MFN1: variants seen among roughly 807,000 people sequenced by gnomAD.
MFN1 encodes the protein mitofusin 1, also known as mitofusin-1.
Under a neutral mutation model 92.4 loss-of-function variants are expected in MFN1, and 65 were observed. The ratio of observed to expected loss-of-function variants is 0.70; its 90% CI spans 0.58 to 0.86. The LOEUF (loss-of-function observed/expected upper bound fraction) is 0.86, where lower values mean the gene tolerates loss of function less well. Ranked by LOEUF, MFN1 falls within the 40% of genes least tolerant of loss-of-function variation. The pLI is 0.00. For synonymous variants in MFN1, 297 were observed against 300.9 expected, an observed-to-expected ratio of 0.99 and a Z score of 0.13; for missense variants, 781 against 868.0, an observed-to-expected ratio of 0.90 and a Z score of 1.26.
At chr3:179,385,509 A>G in intron 14 of MFN1, 60 bp from the exon 15 acceptor site, 1 of 1,479,574 alleles carries the variant, frequency 6.8e-7, no homozygotes, top group East Asian at 2.3e-5. Flanking sequence ...AGAGTTTTAT[A>G]AAGATAACTT....
At chr3:179,388,948 T>C (rs1713798447) in intron 16 of MFN1, among the ~76,000 whole-genome samples, 1 of 151,110 alleles carries the variant, frequency 6.6e-6, no homozygotes, top group Non-Finnish European at 1.5e-5. Context: ...TTTGGATAAT[T>C]AGGAATTCCG....
At chr3:179,384,564 C>T (rs928409972) in intron 14 of MFN1, among the ~76,000 whole-genome samples, 2 of 152,166 alleles carry the variant, frequency 1.3e-5, no homozygotes, top group Non-Finnish European at 2.9e-5. Flanking sequence ...TATATGATTT[C>T]CAAATATGTT....
intron 3 of MFN1, among the ~76,000 whole-genome samples, chr3:179,352,836 C>T (rs564961081): frequency 6.6e-6 from 1 of 152,232 alleles, no homozygotes; most frequent in African/African-American, 2.4e-5. Context: ...GCTGCAACCT[C>T]CACATCCCGG....
At chr3:179,355,406 G>A (rs1315188324) in intron 3 of MFN1, among the ~76,000 whole-genome samples, 4 of 152,068 alleles carry the variant, frequency 2.6e-5, no homozygotes. Flanking sequence ...GAGTTGCTCT[G>A]CTTCAAACAC....
At chr3:179,353,738 A>ATCT (rs1158446096) in intron 3 of MFN1, among the ~76,000 whole-genome samples, 1 of 152,224 alleles carries the variant, frequency 6.6e-6, no homozygotes, top group Non-Finnish European at 1.5e-5. Context: ...TTATTCAGCT[A>ATCT]TCTGTGCTGT....
intron 3 of MFN1, among the ~76,000 whole-genome samples, chr3:179,352,767 CCT>C (rs1712197335): frequency 6.6e-6 from 1 of 151,656 alleles, no homozygotes; most frequent in Non-Finnish European, 1.5e-5. Flanking sequence ...TTTTTTTCCC[CCT>C]GAGAGGGAGT....
intron 13 of MFN1, 48 bp downstream of exon 13, chr3:179,378,491 T>C (rs1252376460): frequency 2.0e-6 from 3 of 1,537,282 alleles, no homozygotes; most frequent in African/African-American, 2.8e-5. Context: ...TTTTCATTCA[T>C]GACTGGTGAA....
intron 4 of MFN1, among the ~76,000 whole-genome samples, chr3:179,360,561 A>AT (rs1712536600): frequency 6.6e-6 from 1 of 152,142 alleles, no homozygotes; most frequent in African/African-American, 2.4e-5. Context: ...AAAAAAAAAA[A>AT]AAATAAAAGG....
intron 2 of MFN1, 72 bp from the exon 3 acceptor site, chr3:179,351,828 T>G (rs926714344): frequency 7.0e-7 from 1 of 1,438,286 alleles, no homozygotes; most frequent in Admixed American, 1.9e-5. Context: ...ACATACAATC[T>G]TAGGTATTCC....
chr3:179,387,335 CGG>C (rs1713722986), intron 16 of MFN1, among the ~76,000 whole-genome samples: 1 of 151,994 alleles, frequency 6.6e-6, no homozygotes. Flanking sequence ...CACTTGAGGT[CGG>C]GAGTTCGAGA....
chr3:179,357,142 CATCTT>C (rs746186385), intron 3 of MFN1, among the ~76,000 whole-genome samples: 3 of 152,126 alleles, frequency 2.0e-5, no homozygotes, highest in Non-Finnish European at 4.4e-5. Context: ...GCCCAAAAAA[CATCTT>C]AAGCTATCCT....
At chr3:179,374,257 C>T (rs1394286692) in intron 9 of MFN1, among the ~76,000 whole-genome samples, 3 of 149,434 alleles carry the variant, frequency 2.0e-5, no homozygotes, top group Non-Finnish European at 4.4e-5. Context: ...GAGTCGAGAT[C>T]ATGCCATTGC....
At chr3:179,365,329 C>T in intron 7 of MFN1, 104 bp downstream of exon 7, 1 of 659,968 alleles carries the variant, frequency 1.5e-6, no homozygotes, top group Non-Finnish European at 2.4e-6. Context: ...AAGAGCTATT[C>T]CATGAAAAGA....
chr3:179,372,372 A>G (rs1373601846), intron 9 of MFN1, among the ~76,000 whole-genome samples: 1 of 151,730 alleles, frequency 6.6e-6, no homozygotes, highest in Non-Finnish European at 1.5e-5. Flanking sequence ...ATAAATTTAT[A>G]TTATTAATGT....
intron 9 of MFN1, among the ~76,000 whole-genome samples, chr3:179,370,389 G>GTTTTTTTT (rs1354406941): frequency 1.1e-3 from 105 of 96,696 alleles, no homozygotes; most frequent in East Asian, 1.9e-3. Context: ...CATTCACTAA[G>GTTTTTTTT]TTCTTTTTTT....
At chr3:179,388,655 T>G (rs1713789357) in intron 16 of MFN1, among the ~76,000 whole-genome samples, 1 of 152,164 alleles carries the variant, frequency 6.6e-6, no homozygotes, top group South Asian at 2.1e-4. Flanking sequence ...GAAACCATTA[T>G]CATAAGGCAA....
chr3:179,377,802 C>T (rs13061738), intron 12 of MFN1, among the ~76,000 whole-genome samples: 30,554 of 151,928 alleles, frequency 0.2, 3,434 homozygotes, highest in Admixed American at 0.25. Context: ...CGGTGGCTCC[C>T]GCCTTTAATC....
At chr3:179,378,148 TAGG>T (rs756256683) in intron 12 of MFN1, 190 bp from the exon 13 acceptor site, 16 of 566,514 alleles carry the variant, frequency 2.8e-5, no homozygotes, top group Non-Finnish European at 4.3e-5. Flanking sequence ...CGCGTGAGCC[TAGG>T]AGGTCAAGGC....
chr3:179,385,711 T>G lies in MFN1; in HGVS notation c.1805T>G (p.Val602Gly). 1 of 1,612,878 alleles carries G rather than the reference T, an allele frequency of 6.2e-7. No homozygotes were observed. The highest frequency in any genetic ancestry group is 8.5e-7 in the Non-Finnish European group (1 of 1,179,702). ...TSRTSMGIII[V>G]GGVIWKTIGW... The stretch of plus-strand genomic sequence containing the variant: ...AGAACTTCTATGGGCATCATTATTG[T>G]TGGAGGAGTGGTAAGAAACATTACT... Residue 602 changes from valine (V) to glycine (G), a missense_variant, in exon 15 of 18, where the codon GTT becomes GGT. Coordinates refer to ENST00000471841, the MANE Select transcript of MFN1 (RefSeq NM_033540.3).
Sources: gnomAD v4.1 joint callset for allele counts (sites outside exome capture counted in the v4.1 genomes callset) on GRCh38, gnomAD v4.1.1 for gene constraint, MANE v1.5 for transcripts, NCBI Gene and HGNC (gene_info 2026-07-23, HGNC 2026-07-21) for gene names.